P4HA3: variants seen among roughly 807,000 people sequenced by gnomAD.
P4HA3 encodes the protein prolyl 4-hydroxylase subunit alpha 3.
In P4HA3, 60 loss-of-function variants were observed where a neutral mutation model predicts 66.7. The observed-to-expected ratio is 0.90, with a 90% CI of 0.73 to 1.12. The LOEUF (loss-of-function observed/expected upper bound fraction) is 1.12, where lower values mean the gene tolerates loss of function less well. P4HA3 is among the 50% of genes most tolerant of loss of function. P4HA3 has a pLI of 0.00. For missense variants in P4HA3, 683 were observed against 685.8 expected, an observed-to-expected ratio of 1.00 and a Z score of 0.05; for synonymous variants, 263 against 274.6, an observed-to-expected ratio of 0.96 and a Z score of 0.42.
At chr11:74,305,249 T>G (rs1248905918) in intron 1 of P4HA3, among the ~76,000 whole-genome samples, 1 of 152,076 alleles carries the variant, frequency 6.6e-6, no homozygotes, top group Non-Finnish European at 1.5e-5. Flanking sequence ...AGGAAAGGCT[T>G]CCAAGAAGAG....
chr11:74,269,577 A>T (rs1860116835), intron 11 of P4HA3, 75 bp downstream of exon 11: 2 of 1,461,214 alleles, frequency 1.4e-6, no homozygotes, highest in Non-Finnish European at 1.9e-6. Flanking sequence ...GCTTGCAAGC[A>T]CAGACAGCGT....
In P4HA3 at chr11:74,268,010, T is replaced by C. The variant is rs1860048242; in HGVS notation, c.1564+135A>G. On this transcript the variant is annotated intron_variant, in intron 12 of 12. Transcript: ENST00000331597. Reference sequence around the variant, plus strand: ...TGTTGGGGGCACCTCATTCATAATCTGATCTTCTCAATATAATGTGGCACT... The same window carrying C: ...TGTTGGGGGCACCTCATTCATAATCCGATCTTCTCAATATAATGTGGCACT... 44 of 765,344 alleles carry C rather than the reference T, an allele frequency of 5.7e-5. No individual in the cohort carries two copies. The East Asian group carries it at 1.1e-3, about 20-fold the overall frequency. The allele number at this position is 765,344 out of a possible 1,614,324, so 47.4% of individuals were successfully genotyped here.
downstream of P4HA3, among the ~76,000 whole-genome samples, chr11:74,262,863 G>A (rs543910323): frequency 8.5e-5 from 13 of 152,348 alleles, no homozygotes; most frequent in Admixed American, 6.5e-5. Context: ...TTGTGCTGCC[G>A]TTGGCATTAC....
Position 74,304,323 on chromosome 11 carries a change from T to C in P4HA3, c.290A>G (p.Gln97Arg), listed in dbSNP as rs139430977. 5.6e-6 allele frequency: 9 copies of C among 1,614,024 alleles called. No homozygotes were observed. The highest frequency in any genetic ancestry group is 1.3e-5 in the African/African-American group (1 of 74,902). The change falls in exon 2 of 13, where the codon CAG becomes CGG. Residue 97 changes from glutamine (Q) to arginine (R), a missense_variant. Transcript: ENST00000331597. ...LLAFTLIKRL[Q>R]SDWRNVVHSL... The stretch of plus-strand genomic sequence containing the variant: ...ATGTACCACATTCCTCCAGTCAGAC[T>C]GCAGGCGTTTGATGAGAGTAAATGC...
chr11:74,277,075 G>T lies in P4HA3; in HGVS notation c.1245C>A (p.Gly415=). The T allele has an allele frequency of 1.2e-6, 2 of 1,614,146 alleles. No homozygotes were observed. The highest frequency in any genetic ancestry group is 8.5e-7 in the Non-Finnish European group (1 of 1,180,016). ...TLNHRIAALT[G]LDVRPPYAEY... ...CTGCATAGGGAGGCCGGACATCAAG[G>T]CCTGTGAGGGCAGCAATGCGGTGGT... The change falls in exon 9 of 13, where the codon GGC becomes GGA. Residue 415 remains glycine (G), a synonymous_variant. Transcript: ENST00000331597.
chr11:74,302,613 T>C (rs767679838), intron 2 of P4HA3, 21 bp from the exon 3 acceptor site: 1 of 1,598,802 alleles, frequency 6.3e-7, no homozygotes, highest in East Asian at 2.2e-5. Context: ...AGTAAAAACA[T>C]CAACCCAGCA....
intron 2 of P4HA3, among the ~76,000 whole-genome samples, chr11:74,303,898 A>G (rs551617033): frequency 1.1e-3 from 171 of 152,190 alleles, no homozygotes; most frequent in Non-Finnish European, 2.0e-3. Flanking sequence ...CAAACTTCTT[A>G]CAGCACAAAG....
downstream of P4HA3, among the ~76,000 whole-genome samples, chr11:74,261,849 G>T (rs576830111): frequency 4.6e-5 from 7 of 152,256 alleles, no homozygotes; most frequent in South Asian, 2.1e-4. Context: ...ACCATTATTT[G>T]CCCACTGTGC....
At chr11:74,253,621 G>A (rs1039439329) in intron 15 of P4HA3, 18 of 1,252,386 alleles carry the variant, frequency 1.4e-5, no homozygotes, top group Non-Finnish European at 2.0e-5. Flanking sequence ...ATGTGACACT[G>A]GCTCCCGGTA....
intron 2 of P4HA3, 66 bp from the exon 3 acceptor site, chr11:74,302,658 A>C: frequency 1.4e-6 from 2 of 1,387,148 alleles, no homozygotes; most frequent in East Asian, 4.6e-5. Flanking sequence ...TAATACATGT[A>C]AGGCATGACC....
intron 4 of P4HA3, among the ~76,000 whole-genome samples, chr11:74,294,275 C>T (rs574547117): frequency 7.2e-5 from 11 of 152,290 alleles, no homozygotes; most frequent in South Asian, 2.1e-4. Flanking sequence ...ACGTAGCTCT[C>T]GTGCCTTGGT....
At chr11:74,304,513 T>C (rs1014976643) in intron 1 of P4HA3, 101 bp from the exon 2 acceptor site, 16 of 1,343,414 alleles carry the variant, frequency 1.2e-5, no homozygotes, top group African/African-American at 2.9e-5. Flanking sequence ...AACACTGACA[T>C]GCTGAACCTC....
chr11:74,289,232 A>C (rs1424401162), intron 4 of P4HA3, 102 bp from the exon 5 acceptor site: 1 of 1,041,504 alleles, frequency 9.6e-7, no homozygotes, highest in Non-Finnish European at 1.3e-6. Context: ...AAATATTCTT[A>C]CCATAAGTAG....
intron 11 of P4HA3, among the ~76,000 whole-genome samples, chr11:74,268,787 G>T (rs1860084575): frequency 6.6e-6 from 1 of 152,192 alleles, no homozygotes; most frequent in Non-Finnish European, 1.5e-5. Flanking sequence ...GGAGCAAAGT[G>T]AGGACTCAAG....
chr11:74,310,713 A>G (rs890078517), intron 1 of P4HA3, among the ~76,000 whole-genome samples: 7 of 152,218 alleles, frequency 4.6e-5, no homozygotes, highest in African/African-American at 1.4e-4. Context: ...CTGAAGCATT[A>G]TTCATATAGC....
intron 4 of P4HA3, among the ~76,000 whole-genome samples, chr11:74,290,220 T>C (rs1473422312): frequency 6.6e-6 from 1 of 152,162 alleles, no homozygotes; most frequent in Non-Finnish European, 1.5e-5. Context: ...TTTCATGTGT[T>C]TTTTGGCTGC....
chr11:74,286,873 A>G (rs1371289950), intron 5 of P4HA3, among the ~76,000 whole-genome samples: 3 of 152,358 alleles, frequency 2.0e-5, no homozygotes, highest in East Asian at 1.9e-4. Context: ...ACAAAATATG[A>G]TAAGTGCAAT....
At chr11:74,261,332 C>T (rs1365266151) in intron 14 of P4HA3, among the ~76,000 whole-genome samples, 1 of 151,936 alleles carries the variant, frequency 6.6e-6, no homozygotes, top group African/African-American at 2.4e-5. Context: ...GCAAAGACAC[C>T]ATTCACAGTA....
At chr11:74,259,212 C>T (rs1027020296) in intron 15 of P4HA3, among the ~76,000 whole-genome samples, 1 of 152,144 alleles carries the variant, frequency 6.6e-6, no homozygotes, top group African/African-American at 2.4e-5. Context: ...AACCCCGTCT[C>T]TACTAAAAAT....
Sources: allele counts gnomAD v4.1 joint callset (sites outside exome capture counted in the v4.1 genomes callset), GRCh38; gene constraint gnomAD v4.1.1; transcripts MANE v1.5; gene names NCBI Gene and HGNC (gene_info 2026-07-23, HGNC 2026-07-21).